Variants in DENND1B observed in about 807,000 individuals in gnomAD.
DENND1B encodes the protein DENN domain-containing protein 1B.
In DENND1B, 59 loss-of-function variants were observed where a neutral mutation model predicts 90.1. That is an observed-to-expected ratio of 0.65 (90% CI 0.53 to 0.81). The LOEUF (loss-of-function observed/expected upper bound fraction) is 0.81. Ranked by LOEUF, DENND1B falls within the 40% of genes least tolerant of loss-of-function variation. DENND1B has a pLI of 0.00. For missense variants in DENND1B, 862 were observed against 912.6 expected (o/e 0.94, Z 0.71); for synonymous variants, 337 against 324.6 (o/e 1.04, Z -0.41).
upstream of DENND1B, among the ~76,000 whole-genome samples, chr1:197,775,946 C>A (rs1024733324): frequency 3.3e-5 from 5 of 152,192 alleles, no homozygotes; most frequent in African/African-American, 7.2e-5. Flanking sequence ...AGAGCTACCC[C>A]CTCCTGATTC....
At chr1:197,766,545 C>T (rs1655724559) in intron 2 of DENND1B, among the ~76,000 whole-genome samples, 1 of 152,060 alleles carries the variant, frequency 6.6e-6, no homozygotes, top group South Asian at 2.1e-4. Flanking sequence ...TATATAGCAA[C>T]TGTTCTTATA....
intron 2 of DENND1B, among the ~76,000 whole-genome samples, chr1:197,724,746 C>A (rs1430914091): frequency 6.6e-6 from 1 of 151,910 alleles, no homozygotes; most frequent in Non-Finnish European, 1.5e-5. Context: ...AAATGTTATA[C>A]AATAACATAA....
chr1:197,644,246 T>C (rs1680535924), intron 9 of DENND1B, among the ~76,000 whole-genome samples: 1 of 152,250 alleles, frequency 6.6e-6, no homozygotes, highest in Admixed American at 6.5e-5. Context: ...CATAGAGTGC[T>C]GCCTTATGCT....
At chr1:197,644,659 T>C (rs1027996002) in intron 9 of DENND1B, among the ~76,000 whole-genome samples, 31 of 152,178 alleles carry the variant, frequency 2.0e-4, no homozygotes, top group African/African-American at 7.2e-4. Context: ...CTCAGGCCCA[T>C]ACGAGCAACT....
chr1:197,695,643 C>T (rs1412117513), intron 3 of DENND1B, among the ~76,000 whole-genome samples: 7 of 148,968 alleles, frequency 4.7e-5, no homozygotes. Flanking sequence ...ACATTTCATT[C>T]TTTACATTTG....
At chr1:197,754,744 T>C (rs903270076) in intron 2 of DENND1B, among the ~76,000 whole-genome samples, 2 of 149,284 alleles carry the variant, frequency 1.3e-5, no homozygotes, top group Non-Finnish European at 3.0e-5. Flanking sequence ...AAATTATCAA[T>C]TGGTAATGGT....
At chr1:197,655,639 C>A (rs942203579) in intron 6 of DENND1B, among the ~76,000 whole-genome samples, 1 of 151,918 alleles carries the variant, frequency 6.6e-6, no homozygotes. Flanking sequence ...TCATGCCATT[C>A]TCCTGCCTCA....
chr1:197,639,174 T>C (rs1572156319), intron 10 of DENND1B, among the ~76,000 whole-genome samples: 1 of 151,992 alleles, frequency 6.6e-6, no homozygotes, highest in East Asian at 1.9e-4. Context: ...AGTGATTCTC[T>C]TGCCTCAGCC....
intron 3 of DENND1B, among the ~76,000 whole-genome samples, chr1:197,705,571 A>T (rs1659446493): frequency 6.6e-6 from 1 of 151,958 alleles, no homozygotes; most frequent in Non-Finnish European, 1.5e-5. Flanking sequence ...TATCACTCTC[A>T]TGTGAACCCA....
intron 20 of DENND1B, among the ~76,000 whole-genome samples, chr1:197,538,251 G>C (rs1299555843): frequency 6.6e-6 from 1 of 151,964 alleles, no homozygotes; most frequent in Admixed American, 6.6e-5. Context: ...TTTTACAACA[G>C]TATTTGAGAT....
At position 197,746,856 on chromosome 1, in the gene DENND1B, T is replaced by G. The variant is rs750653168; in HGVS notation, c.82+26012A>C. 9.5e-4 allele frequency: 1,525 copies of G among 1,611,916 alleles called. 3 individuals carry two copies. Among genetic ancestry groups the G allele is most frequent in the Non-Finnish European group, 1.2e-3 (1,420 of 1,179,538 alleles). On this transcript the variant is annotated intron_variant, in intron 2 of 22. Coordinates refer to ENST00000620048, the MANE Select transcript of DENND1B (RefSeq NM_001195215.2). ...GCCTGTGAATTTTCAACCTCCTTTTTGGCTTTTACAAAGTTGTGGCAGGCA... is the reference window on the plus strand; with the variant it reads ...GCCTGTGAATTTTCAACCTCCTTTTGGGCTTTTACAAAGTTGTGGCAGGCA...
At chr1:197,631,656 A>G (rs1191512256) in intron 10 of DENND1B, among the ~76,000 whole-genome samples, 1 of 151,930 alleles carries the variant, frequency 6.6e-6, no homozygotes, top group Non-Finnish European at 1.5e-5. Context: ...AACAACAACA[A>G]AGTAAATTCT....
chr1:197,510,975 G>T lies in DENND1B; in HGVS notation c.1816-3C>A. On this transcript the variant is annotated splice_region_variant and splice_polypyrimidine_tract_variant and intron_variant, in intron 22 of 22. Coordinates refer to ENST00000620048, the MANE Select transcript of DENND1B (RefSeq NM_001195215.2). ...TCACTAGGAGCATTAGATTTATTCT[G>T]AAAAAAAGAAGAAACAACAAACTCA... 6.8e-7 allele frequency: 1 copy of T among 1,473,892 alleles called. No homozygotes were observed. The highest frequency in any genetic ancestry group is 9.0e-7 in the Non-Finnish European group (1 of 1,110,874). The allele number at this position is 1,473,892 out of a possible 1,614,324, so 91.3% of individuals were successfully genotyped here. A position where few individuals can be genotyped will look rare whatever the true frequency, so the allele number is the denominator to read the frequency against.
At chr1:197,725,862 C>CT (rs113703297) in intron 2 of DENND1B, among the ~76,000 whole-genome samples, 1 of 151,924 alleles carries the variant, frequency 6.6e-6, no homozygotes, top group African/African-American at 2.4e-5. Context: ...ACCCTGGCTT[C>CT]TGTGTTGAGT....
intron 2 of DENND1B, chr1:197,735,609 C>G (rs1299954471): frequency 8.7e-6 from 14 of 1,614,080 alleles, no homozygotes; most frequent in Non-Finnish European, 1.2e-5. Context: ...TTGGGGCCAT[C>G]TTTTCTCCTC....
intron 3 of DENND1B, among the ~76,000 whole-genome samples, chr1:197,676,210 A>G (rs1043212014): frequency 7.2e-5 from 11 of 152,060 alleles, no homozygotes; most frequent in African/African-American, 2.7e-4. Context: ...CCTAGCTCCC[A>G]GGGCTTGGTT....
intron 11 of DENND1B, among the ~76,000 whole-genome samples, chr1:197,613,663 C>A (rs1489261281): frequency 6.6e-6 from 1 of 150,754 alleles, no homozygotes. Flanking sequence ...AAATGCATAT[C>A]ACTAACAAAT....
At chr1:197,734,495 A>G (rs1432944970) in intron 2 of DENND1B, 36 of 975,908 alleles carry the variant, frequency 3.7e-5, no homozygotes, top group Non-Finnish European at 4.4e-5. Context: ...ACCACATTTA[A>G]TAAGCTCATA....
intron 2 of DENND1B, chr1:197,747,511 T>C (rs1652862038): frequency 4.6e-6 from 1 of 219,416 alleles, no homozygotes; most frequent in African/African-American, 2.3e-5. Context: ...TCAGAAAATG[T>C]TTTAAATATT....
Sources: allele counts gnomAD v4.1 joint callset (sites outside exome capture counted in the v4.1 genomes callset), GRCh38; gene constraint gnomAD v4.1.1; transcripts MANE v1.5; gene names NCBI Gene and HGNC (gene_info 2026-07-23, HGNC 2026-07-21).